The following UBE4A variants were observed in gnomAD, a reference collection of about 807,000 sequenced individuals.
UBE4A encodes the protein ubiquitination factor E4A.
A neutral mutation model predicts 117.9 loss-of-function variants in UBE4A; 48 were observed. The ratio of observed to expected loss-of-function variants is 0.41; its 90% CI spans 0.32 to 0.52. The LOEUF (loss-of-function observed/expected upper bound fraction) is 0.52. Ranked by LOEUF, UBE4A falls within the 20% of genes least tolerant of loss-of-function variation. The probability of loss-of-function intolerance (pLI) is 0.33; values close to 1 mark genes in which losing one functional copy is unlikely to be tolerated. For synonymous variants in UBE4A, 407 were observed against 450.0 expected, an observed-to-expected ratio of 0.90 and a Z score of 1.21; for missense variants, 1,067 against 1,296.3, an observed-to-expected ratio of 0.82 and a Z score of 2.72.
intron 4 of UBE4A, among the ~76,000 whole-genome samples, chr11:118,370,061 C>T (rs1465507159): frequency 6.6e-6 from 1 of 151,452 alleles, no homozygotes; most frequent in Non-Finnish European, 1.5e-5. Context: ...CACTGCACTC[C>T]AGCCTGGACA....
chr11:118,369,360 A>T (rs558982066), intron 3 of UBE4A, 63 bp from the exon 4 acceptor site: 60 of 1,208,412 alleles, frequency 5.0e-5, no homozygotes, highest in Admixed American at 3.1e-4. Flanking sequence ...TGCTGTCAAG[A>T]TCAGTTGTCT....
chr11:118,367,993 G>C (rs1476101876), intron 2 of UBE4A, among the ~76,000 whole-genome samples: 1 of 151,992 alleles, frequency 6.6e-6, no homozygotes, highest in Non-Finnish European at 1.5e-5. Context: ...TAAACCACAG[G>C]GCATGCAAAA....
intron 17 of UBE4A, 77 bp from the exon 18 acceptor site, chr11:118,390,580 G>T: frequency 1.6e-6 from 2 of 1,271,278 alleles, no homozygotes; most frequent in Middle Eastern, 2.2e-4. Context: ...GAGAATGCTT[G>T]TTCTGCAGCC....
intron 1 of UBE4A, among the ~76,000 whole-genome samples, chr11:118,361,042 C>T (rs1490790474): frequency 1.9e-4 from 26 of 135,870 alleles, no homozygotes; most frequent in African/African-American, 7.2e-4. Context: ...CAGAGTCTGG[C>T]TCTGTCACCC....
chr11:118,370,198 C>T (rs1257851092), intron 4 of UBE4A, among the ~76,000 whole-genome samples: 1 of 152,222 alleles, frequency 6.6e-6, no homozygotes, highest in Admixed American at 6.5e-5. Context: ...GGAATTGTCA[C>T]TTTCTGTCTC....
intron 5 of UBE4A, 119 bp from the exon 6 acceptor site, chr11:118,372,388 A>T: frequency 2.0e-6 from 2 of 1,017,712 alleles, no homozygotes; most frequent in Admixed American, 3.6e-5. Flanking sequence ...AGGAATCTCT[A>T]ATTAATTTTC....
At position 118,369,503 on chromosome 11, in the gene UBE4A, C is replaced by G. The variant is rs1160520291; in HGVS notation, c.376C>G (p.Gln126Glu). ...AGAAATGGCAGTAGAGCTAGAAGAT[C>G]AAGACTGGCTTGATATGAGCAATGT... The part of the protein sequence containing the change: ...LEEMAVELED[Q>E]DWLDMSNVEQ... Residue 126 changes from glutamine to glutamate, a missense_variant, in exon 4 of 20, where the codon CAA becomes GAA. Physicochemically the swap from Gln to Glu is conservative, Grantham distance 29 (BLOSUM62 2). Coordinates refer to ENST00000252108, the MANE Select transcript of UBE4A (RefSeq NM_001204077.2). 5.0e-6 allele frequency: 8 copies of G among 1,614,066 alleles called. No homozygotes were observed. Among genetic ancestry groups the G allele is most frequent in the Non-Finnish European group, 6.8e-6 (8 of 1,180,034 alleles).
chr11:118,371,992 G>C (rs1469828250), intron 5 of UBE4A, among the ~76,000 whole-genome samples: 2 of 152,118 alleles, frequency 1.3e-5, no homozygotes, highest in Non-Finnish European at 2.9e-5. Flanking sequence ...GGGCACAGTG[G>C]CTCACTCCTG....
chr11:118,369,602 C>G (rs1172351124), intron 4 of UBE4A, 67 bp downstream of exon 4: 6 of 1,094,848 alleles, frequency 5.5e-6, no homozygotes, highest in Non-Finnish European at 8.3e-6. Flanking sequence ...ATTCTGCTCA[C>G]TGTTCTCCAA....
intron 11 of UBE4A, among the ~76,000 whole-genome samples, chr11:118,380,459 G>A (rs1208497611): frequency 6.6e-6 from 1 of 152,034 alleles, no homozygotes; most frequent in Non-Finnish European, 1.5e-5. Context: ...GTGCACACTT[G>A]TAGTTCCAGC....
intron 19 of UBE4A, among the ~76,000 whole-genome samples, chr11:118,395,387 T>C (rs1225348808): frequency 6.6e-6 from 1 of 151,884 alleles, no homozygotes; most frequent in African/African-American, 2.4e-5. Flanking sequence ...AAGCATTCAC[T>C]ATATCGCTCG....
chr11:118,386,091 G>GT (rs2134106180), intron 15 of UBE4A, among the ~76,000 whole-genome samples: 1 of 152,196 alleles, frequency 6.6e-6, no homozygotes, highest in East Asian at 1.9e-4. Flanking sequence ...AGGATTCATT[G>GT]TTTTTTCACT....
In UBE4A at chr11:118,361,008, A is replaced by ATT. The variant is rs71301652; in HGVS notation, c.-42+1352_-42+1353dup. On this transcript the variant is annotated intron_variant, in intron 1 of 19. Coordinates refer to ENST00000252108, the MANE Select transcript of UBE4A (RefSeq NM_001204077.2). The stretch of plus-strand genomic sequence containing the variant: ...TATATGTGTGTGTGTGTGTGTGTGT[A>ATT]TTTTTTTTTTTTTTTTTTTGAGACA... Among the ~76,000 whole-genome samples, 2,420 of 104,872 alleles carry ATT rather than the reference A, an allele frequency of 0.023. 276 individuals are homozygous for ATT. In the East Asian group the frequency reaches 0.27, roughly 12 times the overall value. 68.8% of individuals were successfully genotyped at this position (104,872 alleles called of 152,430 possible).
At chr11:118,380,513 T>G (rs1555126161) in intron 11 of UBE4A, among the ~76,000 whole-genome samples, 1 of 152,054 alleles carries the variant, frequency 6.6e-6, no homozygotes, top group Non-Finnish European at 1.5e-5. Context: ...GCCCAGGAAG[T>G]TGAGGCCACA....
Position 118,389,578 on chromosome 11 carries a change from ATTAC to A in UBE4A, c.2588-143_2588-140del. The stretch of plus-strand genomic sequence containing the variant: ...TCTATATTTTCTGCAGTGAAAATGA[ATTAC>A]TTAGTTTTTTAAAAAAGTAGTTCCT... On this transcript the variant is annotated intron_variant, in intron 16 of 19. Transcript: ENST00000252108. 3.9e-6 allele frequency: 3 copies of A among 775,104 alleles called. No individual in the cohort carries two copies. The South Asian group carries it at 1.6e-4, about 42-fold the overall frequency. The allele number at this position is 775,104 out of a possible 1,614,324, so 48.0% of individuals were successfully genotyped here.
At chr11:118,374,178 T>C (rs571944236) in intron 8 of UBE4A, among the ~76,000 whole-genome samples, 1 of 152,252 alleles carries the variant, frequency 6.6e-6, no homozygotes, top group East Asian at 1.9e-4. Context: ...AAGAATGAGC[T>C]GCTGCTACTC....
chr11:118,360,984 A>ATG (rs1948515660), intron 1 of UBE4A, among the ~76,000 whole-genome samples: 6 of 141,094 alleles, frequency 4.3e-5, no homozygotes, highest in South Asian at 2.7e-4. Context: ...ATGTATGTAT[A>ATG]TATGTGTGTG....
chr11:118,391,271 T>C lies in UBE4A; in HGVS notation c.2916+467T>C, dbSNP rs150515651. The stretch of plus-strand genomic sequence containing the variant: ...TGGGAAGCCAGGGTGGGCAGATCAC[T>C]TGAGGTCAGGAGTTCAACACCAGCC... On this transcript the variant is annotated intron_variant, in intron 18 of 19. Coordinates refer to ENST00000252108, the MANE Select transcript of UBE4A (RefSeq NM_001204077.2). Among the ~76,000 whole-genome samples the C allele has an allele frequency of 1.9e-3, 287 of 152,178 alleles. 3 individuals are homozygous for C. Among genetic ancestry groups the C allele is most frequent in the African/African-American group, 6.4e-3 (265 of 41,520 alleles).
chr11:118,363,339 C>T (rs866876347), intron 1 of UBE4A, among the ~76,000 whole-genome samples: 2 of 152,066 alleles, frequency 1.3e-5, no homozygotes, highest in African/African-American at 2.4e-5. Flanking sequence ...GTCAGGAGTT[C>T]GAGACCAGCC....
Sources: allele counts gnomAD v4.1 joint callset (sites outside exome capture counted in the v4.1 genomes callset), GRCh38; gene constraint gnomAD v4.1.1; transcripts MANE v1.5; gene names NCBI Gene and HGNC (gene_info 2026-07-23, HGNC 2026-07-21).